RERE: variants seen among roughly 807,000 people sequenced by gnomAD.
RERE encodes the protein arginine-glutamic acid dipeptide repeats protein.
In RERE, 40 loss-of-function variants were observed where a neutral mutation model predicts 146.1. That is an observed-to-expected ratio of 0.27 (90% CI 0.21 to 0.36). RERE has a LOEUF of 0.36. Among genes scored for constraint, RERE ranks in the 10% least tolerant of loss-of-function variants. The pLI, the probability that RERE is intolerant of heterozygous loss-of-function variation, is 1.00. For missense variants in RERE, 1,933 were observed against 2,138.7 expected (o/e 0.90, Z 1.90); for synonymous variants, 1,003 against 866.0 (o/e 1.16, Z -2.78).
intron 2 of RERE, among the ~76,000 whole-genome samples, chr1:8,638,290 G>C (rs1026624050): frequency 6.6e-6 from 1 of 152,156 alleles, no homozygotes; most frequent in Admixed American, 6.5e-5. Flanking sequence ...TTTTCCATGT[G>C]ATGTGATAGG....
chr1:8,412,128 T>G (rs7519434), intron 12 of RERE, among the ~76,000 whole-genome samples: 141 of 152,140 alleles, frequency 9.3e-4, no homozygotes, highest in African/African-American at 3.2e-3. Flanking sequence ...GCCCCGAAAA[T>G]AATCAAACAC....
intron 4 of RERE, among the ~76,000 whole-genome samples, chr1:8,570,276 A>C (rs1460864382): frequency 6.6e-6 from 1 of 152,062 alleles, no homozygotes; most frequent in Non-Finnish European, 1.5e-5. Flanking sequence ...AGTGGAGGTG[A>C]AAGTGAAATT....
At chr1:8,468,919 AG>A (rs941977653) in intron 10 of RERE, among the ~76,000 whole-genome samples, 2 of 152,050 alleles carry the variant, frequency 1.3e-5, no homozygotes, top group African/African-American at 4.8e-5. Context: ...AAAGAAAGAA[AG>A]AAAAAAAGAA....
intron 1 of RERE, among the ~76,000 whole-genome samples, chr1:8,709,338 A>G (rs1639621391): frequency 6.6e-6 from 1 of 151,178 alleles, no homozygotes; most frequent in Non-Finnish European, 1.5e-5. Context: ...CACGTTGGTC[A>G]TGAACTCCTG....
At chr1:8,431,437 G>A (rs954617388) in intron 11 of RERE, among the ~76,000 whole-genome samples, 29 of 152,304 alleles carry the variant, frequency 1.9e-4, no homozygotes, top group African/African-American at 7.0e-4. Context: ...AGGAAAACAA[G>A]CTCAGGGCTC....
intron 18 of RERE, 21 bp from the exon 19 acceptor site, chr1:8,360,007 T>C (rs1246608619): frequency 3.7e-6 from 6 of 1,610,448 alleles, no homozygotes; most frequent in Admixed American, 3.3e-5. Context: ...CCACAGATCT[T>C]GCTGGGAGCT....
At chr1:8,477,251 A>G (rs1433702672) in intron 10 of RERE, among the ~76,000 whole-genome samples, 2 of 152,212 alleles carry the variant, frequency 1.3e-5, no homozygotes, top group Non-Finnish European at 2.9e-5. Flanking sequence ...CCGGGGCAGG[A>G]GGACTCCACA....
intron 4 of RERE, among the ~76,000 whole-genome samples, chr1:8,559,382 T>A (rs963217806): frequency 4.2e-5 from 6 of 144,518 alleles, no homozygotes; most frequent in Non-Finnish European, 7.6e-5. Flanking sequence ...CTGTGCCAAA[T>A]ACACATGCCT....
At position 8,633,476 on chromosome 1, in the gene RERE, CAA is replaced by C. The variant is rs1491538627; in HGVS notation, c.326-9098_326-9097del. 2.9e-3 allele frequency among the ~76,000 whole-genome samples: 428 copies of C among 150,100 alleles called. 4 individuals carry two copies. The East Asian group carries it at 0.047, about 17-fold the overall frequency. ...ACAGACACACACACACACACACACA[CAA>C]AAATGTACTTCTGAGTGTTAGTTAC... On this transcript the variant is annotated intron_variant, in intron 2 of 22. Transcript: ENST00000400908.
intron 1 of RERE, among the ~76,000 whole-genome samples, chr1:8,720,500 A>T (rs1639841804): frequency 6.6e-6 from 1 of 152,130 alleles, no homozygotes; most frequent in Non-Finnish European, 1.5e-5. Flanking sequence ...TGGAGAGAGA[A>T]GAGAGACAGA....
chr1:8,377,532 G>A (rs979370869), intron 12 of RERE, among the ~76,000 whole-genome samples: 24 of 151,956 alleles, frequency 1.6e-4, no homozygotes, highest in African/African-American at 5.6e-4. Context: ...TTTCACTGCC[G>A]TTGGTTCTAT....
chr1:8,535,468 G>C (rs1027673018), intron 7 of RERE, among the ~76,000 whole-genome samples: 4 of 152,188 alleles, frequency 2.6e-5, no homozygotes, highest in Non-Finnish European at 5.9e-5. Context: ...CAAAATACTG[G>C]AGTATGAAAG....
intron 12 of RERE, among the ~76,000 whole-genome samples, chr1:8,404,967 C>G (rs924262301): frequency 9.2e-5 from 14 of 152,202 alleles, no homozygotes; most frequent in African/African-American, 3.4e-4. Context: ...TGCCACTTCT[C>G]TGACTCTGGA....
intron 10 of RERE, among the ~76,000 whole-genome samples, chr1:8,466,419 T>TA (rs781515872): frequency 1.4e-4 from 22 of 152,116 alleles, no homozygotes; most frequent in Non-Finnish European, 2.8e-4. Flanking sequence ...ATCATCGCCC[T>TA]ACTTCACAGA....
At chr1:8,718,578 T>C (rs1639804963) in intron 1 of RERE, among the ~76,000 whole-genome samples, 1 of 152,234 alleles carries the variant, frequency 6.6e-6, no homozygotes, top group Non-Finnish European at 1.5e-5. Context: ...TAGTCCTACC[T>C]ATTTTGCTGG....
At chr1:8,387,876 G>A (rs181113964) in intron 12 of RERE, among the ~76,000 whole-genome samples, 7 of 152,310 alleles carry the variant, frequency 4.6e-5, no homozygotes, top group Admixed American at 4.6e-4. Context: ...TAGCAGATAC[G>A]CATACCTGTA....
chr1:8,705,574 T>C (rs560719174), intron 1 of RERE, among the ~76,000 whole-genome samples: 1 of 152,206 alleles, frequency 6.6e-6, no homozygotes, highest in Non-Finnish European at 1.5e-5. Context: ...ACAGCATTGA[T>C]CTCCGTTTGT....
At chr1:8,724,272 G>A (rs1314715762) in intron 1 of RERE, among the ~76,000 whole-genome samples, 1 of 151,916 alleles carries the variant, frequency 6.6e-6, no homozygotes, top group Non-Finnish European at 1.5e-5. Context: ...TGGCTCAGGG[G>A]TTGGCAAAAA....
chr1:8,617,666 G>A (rs2124205000), intron 3 of RERE, among the ~76,000 whole-genome samples: 1 of 152,236 alleles, frequency 6.6e-6, no homozygotes, highest in East Asian at 1.9e-4. Context: ...AACAACTGAT[G>A]TGTCACACAG....
Sources: gnomAD v4.1 joint callset for allele counts (sites outside exome capture counted in the v4.1 genomes callset) on GRCh38, gnomAD v4.1.1 for gene constraint, MANE v1.5 for transcripts, NCBI Gene and HGNC (gene_info 2026-07-23, HGNC 2026-07-21) for gene names.